SMARCD3: variants seen among roughly 807,000 people sequenced by gnomAD.
The protein encoded by SMARCD3 is SWI/SNF related BAF chromatin remodeling complex subunit D3.
Under a neutral mutation model 58.0 loss-of-function variants are expected in SMARCD3, and 14 were observed. The observed-to-expected ratio is 0.24, with a 90% CI of 0.16 to 0.38. The LOEUF (loss-of-function observed/expected upper bound fraction) is 0.38, where lower values mean the gene tolerates loss of function less well. Among genes scored for constraint, SMARCD3 ranks in the 10% least tolerant of loss-of-function variants. The probability of loss-of-function intolerance (pLI) is 1.00; values close to 1 mark genes in which losing one functional copy is unlikely to be tolerated. For missense variants in SMARCD3, 408 were observed against 636.9 expected, an observed-to-expected ratio of 0.64 and a Z score of 3.87; for synonymous variants, 253 against 253.8, an observed-to-expected ratio of 1.00 and a Z score of 0.03.
At chr7:151,261,497 G>A (rs1803916297) in intron 2 of SMARCD3, among the ~76,000 whole-genome samples, 1 of 152,176 alleles carries the variant, frequency 6.6e-6, no homozygotes, top group African/African-American at 2.4e-5. Context: ...CTGCAAAACT[G>A]GGGGTCCCTC....
Position 151,268,081 on chromosome 7 carries a change from G to C in SMARCD3, c.39+7033C>G, listed in dbSNP as rs974346550. Among the ~76,000 whole-genome samples the C allele has an allele frequency of 5.9e-5, 9 of 152,296 alleles. No homozygotes were observed. In the South Asian group the frequency reaches 1.7e-3, roughly 28 times the overall value. On this transcript the variant is annotated intron_variant, in intron 2 of 13. Transcript: ENST00000356800. ...GAAATGCTGGTTTGTTTTCTGGGCT[G>C]GGGGATAGAAGGGAGGACAGGGGAC...
chr7:151,244,359 G>C (rs1803153763), intron 2 of SMARCD3, among the ~76,000 whole-genome samples: 1 of 152,148 alleles, frequency 6.6e-6, no homozygotes, highest in Admixed American at 6.5e-5. Flanking sequence ...CTAGGCCCGG[G>C]GTAGTAGCAG....
Position 151,242,886 on chromosome 7 carries a change from A to C in SMARCD3, c.334-43T>G. 6.2e-7 allele frequency: 1 copy of C among 1,608,370 alleles called. No homozygotes were observed. On this transcript the variant is annotated intron_variant, in intron 3 of 12. Transcript: ENST00000262188. The surrounding 1 kb of genome is among the most constrained non-coding windows in gnomAD (Gnocchi z 4.7). ...GGGCAGGAGTCAGAGGCTCAAGTCC[A>C]GGGTTGTACCATGGAATGTATGCAT...
rs62492415 is a variant in SMARCD3 at position 151,256,082 on chromosome 7, T to G, written c.40-10411A>C. 4.3e-4 allele frequency among the ~76,000 whole-genome samples: 66 copies of G among 152,128 alleles called. 1 individual carries two copies. The highest frequency in any genetic ancestry group is 1.2e-4 in the Non-Finnish European group (8 of 68,026). ...TTTTAGTAGAGACGGGGTTTCACCG[T>G]GTTGCCCAGGCTGGTCTCAAACTTC... On this transcript the variant is annotated intron_variant, in intron 2 of 13. Transcript: ENST00000356800.
Position 151,239,370 on chromosome 7 carries a change from G to T in SMARCD3, c.1398+26C>A. 6.4e-7 allele frequency: 1 copy of T among 1,563,026 alleles called. No individual in the cohort carries two copies. Among genetic ancestry groups the T allele is most frequent in the Non-Finnish European group, 8.8e-7 (1 of 1,134,200 alleles). On this transcript the variant is annotated intron_variant, in intron 12 of 12. Transcript: ENST00000262188. The surrounding 1 kb of genome is among the most constrained non-coding windows in gnomAD (Gnocchi z 7.0). ...TTCTCTTGGAGTTGAGGATGGGGAA[G>T]CCTCAGGGCAAGGGTCCCTGCATAC...
In SMARCD3 at chr7:151,270,825, A is replaced by G. The variant is rs940382850; in HGVS notation, c.39+4289T>C. ...GCAGGGACAAGGCTGAGTATGCGGC[A>G]CTCAGATGGGGGCAGAAGATCACAG... On this transcript the variant is annotated intron_variant, in intron 2 of 13. Coordinates refer to the SMARCD3 transcript ENST00000356800. Among the ~76,000 whole-genome samples, 10 of 152,248 alleles carry G rather than the reference A, an allele frequency of 6.6e-5. 1 individual carries two copies. The East Asian group carries it at 1.5e-3, about 24-fold the overall frequency.
At position 151,241,754 on chromosome 7, in the gene SMARCD3, A is replaced by G. The variant is rs753757377; in HGVS notation, c.778-101T>C. On this transcript the variant is annotated intron_variant, in intron 7 of 12. Coordinates refer to ENST00000262188, the MANE Select transcript of SMARCD3 (RefSeq NM_001003801.2). The surrounding 1 kb of genome is among the most constrained non-coding windows in gnomAD (Gnocchi z 5.3). ...AGGGGGATGTGTTGATTGAGGAAAC[A>G]TGCCCCTGGGGAAGGATAGGTTTGG... 42 of 1,387,210 alleles carry G rather than the reference A, an allele frequency of 3.0e-5. No homozygotes were observed. The highest frequency in any genetic ancestry group is 3.8e-5 in the Non-Finnish European group (38 of 993,370). The allele number at this position is 1,387,210 out of a possible 1,614,324, so 85.9% of individuals were successfully genotyped here. A position where few individuals can be genotyped will look rare whatever the true frequency, so the allele number is the denominator to read the frequency against.
In SMARCD3 at chr7:151,241,851, T is replaced by C; in HGVS notation, c.777+26A>G. The C allele has an allele frequency of 6.3e-7, 1 of 1,581,876 alleles. No individual in the cohort carries two copies. The highest frequency in any genetic ancestry group is 8.6e-7 in the Non-Finnish European group (1 of 1,156,842). ...TGCCCTGAGGGCCTTGTGTGGCGTG[T>C]ACGGGGCAGCATGGCAGGTGCAGAC... is the stretch of plus-strand genomic sequence containing the variant. On this transcript the variant is annotated intron_variant, in intron 7 of 12. Transcript: ENST00000262188. This position sits in a 1 kb window ranked among gnomAD's most constrained non-coding sequence, Gnocchi z 5.3.
intron 2 of SMARCD3, among the ~76,000 whole-genome samples, chr7:151,273,936 C>G (rs964977257): frequency 6.6e-6 from 1 of 152,240 alleles, no homozygotes; most frequent in Non-Finnish European, 1.5e-5. Context: ...TTCAGAGCAG[C>G]CTGGCAGGAG....
At chr7:151,256,580 C>T (rs1030633935) in intron 2 of SMARCD3, among the ~76,000 whole-genome samples, 1 of 152,150 alleles carries the variant, frequency 6.6e-6, no homozygotes, top group Non-Finnish European at 1.5e-5. Flanking sequence ...CCACCCCACC[C>T]GGTCTCATTG....
intron 2 of SMARCD3, among the ~76,000 whole-genome samples, chr7:151,256,858 GCTAT>G (rs1265152741): frequency 2.6e-5 from 4 of 151,176 alleles, no homozygotes; most frequent in Non-Finnish European, 5.9e-5. Context: ...CTCCAGATGA[GCTAT>G]CTGTGTTCCC....
chr7:151,248,355 GC>G lies in SMARCD3; in HGVS notation c.78+129del. On this transcript the variant is annotated intron_variant, in intron 1 of 12. Transcript: ENST00000262188. The surrounding 1 kb of genome is among the most constrained non-coding windows in gnomAD (Gnocchi z 6.1). ...GGCGCCAGCACAGTCCCGCGGCCGG[GC>G]CGTGGGCCATGACGCCCCCCACTAG... 1 of 810,292 alleles carries G rather than the reference GC, an allele frequency of 1.2e-6. No homozygotes were observed. Among genetic ancestry groups the G allele is most frequent in the Non-Finnish European group, 2.0e-6 (1 of 495,754 alleles). 50.2% of individuals were successfully genotyped at this position (810,292 alleles called of 1,614,324 possible).
intron 2 of SMARCD3, among the ~76,000 whole-genome samples, chr7:151,272,477 T>C (rs928016559): frequency 3.0e-4 from 46 of 152,120 alleles, no homozygotes; most frequent in African/African-American, 1.1e-3. Context: ...TGGCACAGTG[T>C]CCCTCACTCT....
chr7:151,267,346 C>T (rs1266510119), intron 2 of SMARCD3, among the ~76,000 whole-genome samples: 1 of 152,208 alleles, frequency 6.6e-6, no homozygotes, highest in Non-Finnish European at 1.5e-5. Context: ...AAGACTGATT[C>T]AGAGCTGGAG....
rs770992194 is a variant in SMARCD3 at position 151,243,643 on chromosome 7, T to C, written c.333+16A>G. The C allele has an allele frequency of 5.2e-6, 8 of 1,550,230 alleles. No homozygotes were observed. The highest frequency in any genetic ancestry group is 7.1e-6 in the Non-Finnish European group (8 of 1,122,308). On this transcript the variant is annotated intron_variant, in intron 3 of 12. Transcript: ENST00000262188. The surrounding 1 kb of genome is among the most constrained non-coding windows in gnomAD (Gnocchi z 4.4). ...GGGTGGGGGGTGGGCTGGGGGCTGC[T>C]GTGAAAGGCACTCACCCTTTGAGGG...
chr7:151,259,409 GTA>G (rs60430545), intron 2 of SMARCD3, among the ~76,000 whole-genome samples: 3,599 of 138,704 alleles, frequency 0.026, 175 homozygotes, highest in African/African-American at 0.11. Flanking sequence ...GTGTGTGTGT[GTA>G]TGTGTGTGTG....
chr7:151,263,787 T>G (rs1415052182), intron 2 of SMARCD3, among the ~76,000 whole-genome samples: 1 of 152,232 alleles, frequency 6.6e-6, no homozygotes, highest in Non-Finnish European at 1.5e-5. Context: ...CTCTACGGCA[T>G]GGCCAGAGTG....
In SMARCD3 at chr7:151,242,711, A is replaced by G; in HGVS notation, c.456+10T>C. On this transcript the variant is annotated intron_variant, in intron 4 of 12. Transcript: ENST00000262188. This position sits in a 1 kb window ranked among gnomAD's most constrained non-coding sequence, Gnocchi z 4.7. ...TCTAGAGTCCCCTTCCTACCCCCGAACTAAGGCACCTTCATGGGCCTCTTC... is the reference window on the plus strand; with the variant it reads ...TCTAGAGTCCCCTTCCTACCCCCGAGCTAAGGCACCTTCATGGGCCTCTTC... 3 of 1,613,890 alleles carry G rather than the reference A, an allele frequency of 1.9e-6. No homozygotes were observed. Among genetic ancestry groups the G allele is most frequent in the East Asian group, 2.2e-5 (1 of 44,850 alleles).
In SMARCD3 at chr7:151,241,680, G is replaced by C. The variant is rs1205461818; in HGVS notation, c.778-27C>G. 4.4e-6 allele frequency: 7 copies of C among 1,599,520 alleles called. No individual in the cohort carries two copies. The South Asian group carries it at 7.8e-5, about 18-fold the overall frequency. On this transcript the variant is annotated intron_variant, in intron 7 of 12. Transcript: ENST00000262188. The surrounding 1 kb of genome is among the most constrained non-coding windows in gnomAD (Gnocchi z 5.3). ...TGGGAAAAGGGGACTGTGAAAGTTA[G>C]ACCAAAGGGAGAGAAAGGAAGGAGC... is the stretch of plus-strand genomic sequence containing the variant.
Sources: gnomAD v4.1 joint callset for allele counts (sites outside exome capture counted in the v4.1 genomes callset) on GRCh38, gnomAD v4.1.1 for gene constraint, Gnocchi (gnomAD v3.1) non-coding constraint, MANE v1.5 for transcripts, NCBI Gene and HGNC (gene_info 2026-07-23, HGNC 2026-07-21) for gene names.